ZFAND3: variants seen among roughly 807,000 people sequenced by gnomAD.
The protein encoded by ZFAND3 is zinc finger AN1-type containing 3, also known as AN1-type zinc finger protein 3.
Under a neutral mutation model 29.6 loss-of-function variants are expected in ZFAND3, and 10 were observed. That is an observed-to-expected ratio of 0.34 (90% confidence interval 0.21 to 0.57). The LOEUF (loss-of-function observed/expected upper bound fraction) is 0.57. ZFAND3 is among the 20% of genes least tolerant of loss of function. The pLI, the probability that ZFAND3 is intolerant of heterozygous loss-of-function variation, is 0.86. For synonymous variants in ZFAND3, 128 were observed against 112.6 expected (o/e 1.14, Z -0.87); for missense variants, 230 against 304.5 (o/e 0.76, Z 1.82).
intron 2 of ZFAND3, among the ~76,000 whole-genome samples, chr6:38,015,899 T>C (rs1216367477): frequency 1.3e-5 from 2 of 152,190 alleles, no homozygotes; most frequent in Non-Finnish European, 2.9e-5. Flanking sequence ...GAAGCAAATA[T>C]AGTGAAATGT....
At chr6:37,880,873 A>AG (rs1764880047) in intron 1 of ZFAND3, among the ~76,000 whole-genome samples, 1 of 69,890 alleles carries the variant, frequency 1.4e-5, no homozygotes, top group African/African-American at 5.9e-5. Flanking sequence ...GGGTCGGGGG[A>AG]GGGGGGAGGG....
intron 2 of ZFAND3, among the ~76,000 whole-genome samples, chr6:37,969,647 A>G (rs954457460): frequency 1.3e-5 from 2 of 152,240 alleles, no homozygotes; most frequent in East Asian, 1.9e-4. Context: ...ACCATTGAAC[A>G]TCAGGGAATG....
rs201282876 is a variant in ZFAND3, at chr6:37,925,075, C to CT, written c.72-4874dup. Among the ~76,000 whole-genome samples the CT allele has an allele frequency of 7.5e-4, 112 of 149,630 alleles. No individual in the cohort carries two copies. The Middle Eastern group carries it at 0.01, about 14-fold the overall frequency. On this transcript the variant is annotated intron_variant, in intron 1 of 5. Transcript: ENST00000287218. ...GTCAGATCACAAGGAGACTTCCAGA[C>CT]TTTTTTTTTTAAAAACTTTCTCCAG...
chr6:38,049,053 A>G (rs1763967114), intron 2 of ZFAND3, among the ~76,000 whole-genome samples: 5 of 152,190 alleles, frequency 3.3e-5, no homozygotes, highest in Non-Finnish European at 7.3e-5. Context: ...GGTGAGACTT[A>G]CACTTGCCAG....
intron 2 of ZFAND3, among the ~76,000 whole-genome samples, chr6:38,018,379 C>T (rs1763286952): frequency 6.6e-6 from 1 of 152,144 alleles, no homozygotes; most frequent in Non-Finnish European, 1.5e-5. Context: ...TTCCTCTTTA[C>T]ATTCTATTTT....
chr6:38,146,912 GTGAA>G (rs1249627620), intron 5 of ZFAND3, among the ~76,000 whole-genome samples: 2 of 151,896 alleles, frequency 1.3e-5, no homozygotes, highest in Non-Finnish European at 2.9e-5. Flanking sequence ...ATGTATGTAT[GTGAA>G]TGAGTCAGTG....
In ZFAND3 at chr6:38,043,570, C is replaced by T. The variant is rs559247300; in HGVS notation, c.113-18023C>T. 4.7e-4 allele frequency among the ~76,000 whole-genome samples: 69 copies of T among 147,146 alleles called. No individual in the cohort carries two copies. The East Asian group carries it at 0.011, about 24-fold the overall frequency. ...CTCCCCTCTTCCTCCTTCCCCTCTTCCCCCTTCCCCTCTTCCCCTTCACCT... is the reference window on the plus strand; with the variant it reads ...CTCCCCTCTTCCTCCTTCCCCTCTTTCCCCTTCCCCTCTTCCCCTTCACCT... On this transcript the variant is annotated intron_variant, in intron 2 of 5. Transcript: ENST00000287218.
chr6:38,038,226 C>G (rs1378152563), intron 2 of ZFAND3, among the ~76,000 whole-genome samples: 3 of 152,196 alleles, frequency 2.0e-5, no homozygotes, highest in African/African-American at 7.2e-5. Context: ...AGAAGTAGCT[C>G]TGTTAGAGAG....
chr6:37,926,759 C>T (rs561236554), intron 1 of ZFAND3, among the ~76,000 whole-genome samples: 1 of 152,286 alleles, frequency 6.6e-6, no homozygotes, highest in South Asian at 2.1e-4. Context: ...CTTTACCTTT[C>T]ATGCTTACTG....
chr6:38,111,638 G>GT (rs1765318283), intron 4 of ZFAND3, among the ~76,000 whole-genome samples: 1 of 151,934 alleles, frequency 6.6e-6, no homozygotes, highest in Non-Finnish European at 1.5e-5. Context: ...CTTCCATATG[G>GT]TTTTCTTAAT....
chr6:37,993,833 T>G (rs925470727), intron 2 of ZFAND3, among the ~76,000 whole-genome samples: 7 of 152,228 alleles, frequency 4.6e-5, no homozygotes, highest in Admixed American at 4.6e-4. Context: ...TTAAATGTAC[T>G]TACATTATAC....
chr6:37,954,632 A>G (rs1439624280), intron 2 of ZFAND3, among the ~76,000 whole-genome samples: 1 of 151,936 alleles, frequency 6.6e-6, no homozygotes, highest in Non-Finnish European at 1.5e-5. Context: ...GTTAGTTTTG[A>G]TTGATTTTCC....
intron 1 of ZFAND3, among the ~76,000 whole-genome samples, chr6:37,880,197 G>A (rs1224889805): frequency 2.6e-5 from 4 of 152,170 alleles, no homozygotes; most frequent in Admixed American, 1.3e-4. Flanking sequence ...GGTACTTGAA[G>A]CTTCATATTT....
intron 1 of ZFAND3, among the ~76,000 whole-genome samples, chr6:37,844,150 T>G (rs998834777): frequency 6.6e-6 from 1 of 152,072 alleles, no homozygotes; most frequent in Non-Finnish European, 1.5e-5. Context: ...TCTTGAACTC[T>G]TGGGCTCCAG....
chr6:37,974,541 G>A (rs1762448093), intron 2 of ZFAND3, among the ~76,000 whole-genome samples: 1 of 151,532 alleles, frequency 6.6e-6, no homozygotes, highest in Non-Finnish European at 1.5e-5. Flanking sequence ...AGTACCTGGA[G>A]CTACAGGCGT....
At chr6:37,961,311 G>A (rs1276373676) in intron 2 of ZFAND3, among the ~76,000 whole-genome samples, 3 of 152,210 alleles carry the variant, frequency 2.0e-5, no homozygotes, top group African/African-American at 7.2e-5. Flanking sequence ...GTGTCTTGTG[G>A]TTTGGTTGCC....
rs989287258 is a variant in ZFAND3, at chr6:37,847,357, C to T, written c.71+27341C>T. ...ATGGGAGGCTGAGGGGGGCGGATCA[C>T]GAGGTCAGGAGATCGAGACCATCCT... is the stretch of plus-strand genomic sequence containing the variant. On this transcript the variant is annotated intron_variant, in intron 1 of 5. Transcript: ENST00000287218. 2.0e-5 allele frequency among the ~76,000 whole-genome samples: 3 copies of T among 152,088 alleles called. No individual in the cohort carries two copies. In the East Asian group the frequency reaches 5.8e-4, roughly 30 times the overall value.
intron 5 of ZFAND3, among the ~76,000 whole-genome samples, chr6:38,140,887 A>G (rs796289915): frequency 1.1e-4 from 16 of 152,308 alleles, no homozygotes; most frequent in South Asian, 6.2e-4. Context: ...ATATTTTTCT[A>G]TACTGAATAA....
chr6:38,074,923 G>A (rs766020409), intron 3 of ZFAND3, among the ~76,000 whole-genome samples: 1 of 152,140 alleles, frequency 6.6e-6, no homozygotes, highest in Non-Finnish European at 1.5e-5. Flanking sequence ...GAACAACAAA[G>A]CCTGGATGAC....
Sources: allele counts gnomAD v4.1 joint callset (sites outside exome capture counted in the v4.1 genomes callset), GRCh38; gene constraint gnomAD v4.1.1; transcripts MANE v1.5; gene names NCBI Gene and HGNC (gene_info 2026-07-23, HGNC 2026-07-21).